MAGI3: variants seen among roughly 807,000 people sequenced by gnomAD.
The protein encoded by MAGI3 is membrane associated guanylate kinase, WW and PDZ domain containing 3, also known as membrane-associated guanylate kinase, WW and PDZ domain-containing protein 3.
Under a neutral mutation model 121.8 loss-of-function variants are expected in MAGI3, and 43 were observed. The observed-to-expected ratio is 0.35, with a 90% CI of 0.28 to 0.46. MAGI3 has a LOEUF of 0.46. Ranked by LOEUF, MAGI3 falls within the 20% of genes least tolerant of loss-of-function variation. The pLI, the probability that MAGI3 is intolerant of heterozygous loss-of-function variation, is 1.00. For synonymous variants in MAGI3, 553 were observed against 639.3 expected (o/e 0.86, Z 2.04); for missense variants, 1,547 against 1,797.3 (o/e 0.86, Z 2.52).
intron 1 of MAGI3, among the ~76,000 whole-genome samples, chr1:113,465,362 G>A (rs1480963560): frequency 6.6e-6 from 1 of 152,150 alleles, no homozygotes; most frequent in Non-Finnish European, 1.5e-5. Flanking sequence ...ATTGGTCTAT[G>A]TGTCTGTTTT....
Position 113,646,570 on chromosome 1 carries a change from A to T in MAGI3, c.2083A>T (p.Ile695Phe), listed in dbSNP as rs775028391. 51 of 1,613,704 alleles carry T rather than the reference A, an allele frequency of 3.2e-5. No individual in the cohort carries two copies. The highest frequency in any genetic ancestry group is 4.1e-5 in the Non-Finnish European group (48 of 1,179,818). ...PQPMPFPPSI[I>F]RSGSPKLDPS... ...GCCTATGCCTTTTCCACCGAGCATT[A>T]TCAGGTCAGGATCCCCAAAATTGGA... Residue 695 changes from isoleucine to phenylalanine, a missense_variant, in exon 12 of 21, where the codon ATC becomes TTC. Physicochemically the swap from Ile to Phe is conservative, Grantham distance 21. Coordinates refer to ENST00000307546, the MANE Select transcript of MAGI3 (RefSeq NM_001142782.2).
intron 1 of MAGI3, among the ~76,000 whole-genome samples, chr1:113,515,287 T>C (rs1218798560): frequency 2.0e-5 from 3 of 152,128 alleles, no homozygotes; most frequent in Non-Finnish European, 4.4e-5. Context: ...TTGACATTTG[T>C]TGTATTGGAA....
chr1:113,624,759 G>T (rs1651113118), intron 9 of MAGI3, among the ~76,000 whole-genome samples: 1 of 152,158 alleles, frequency 6.6e-6, no homozygotes, highest in Non-Finnish European at 1.5e-5. Flanking sequence ...CTAGGCTTGT[G>T]GAGTATCACT....
intron 1 of MAGI3, among the ~76,000 whole-genome samples, chr1:113,484,274 T>G (rs1470401807): frequency 6.6e-6 from 1 of 152,178 alleles, no homozygotes; most frequent in Non-Finnish European, 1.5e-5. Context: ...CAGTAGATTT[T>G]TGGGGGAATA....
rs753852958 is a variant in MAGI3 at position 113,642,317 on chromosome 1, G to A, written c.1767G>A (p.Gly589=). The change falls in exon 10 of 21, where the codon GGG becomes GGA. Residue 589 remains glycine, a synonymous_variant. Transcript: ENST00000307546. The part of the protein sequence containing the change: ...IPLIKGPKGF[G]FAIADSPTGQ... ...TGATTAAGGGCCCTAAAGGGTTTGGGTTTGCAATTGCTGACAGCCCTACTG... is the reference window on the plus strand; with the variant it reads ...TGATTAAGGGCCCTAAAGGGTTTGGATTTGCAATTGCTGACAGCCCTACTG... 3.1e-6 allele frequency: 5 copies of A among 1,614,146 alleles called. No individual in the cohort carries two copies. The highest frequency in any genetic ancestry group is 3.4e-6 in the Non-Finnish European group (4 of 1,180,036).
chr1:113,508,609 G>A (rs973231808), intron 1 of MAGI3, among the ~76,000 whole-genome samples: 1 of 152,164 alleles, frequency 6.6e-6, no homozygotes, highest in Non-Finnish European at 1.5e-5. Context: ...GAACCATTTG[G>A]GAAATGGGAG....
intron 1 of MAGI3, among the ~76,000 whole-genome samples, chr1:113,519,024 A>G (rs1239157391): frequency 6.6e-6 from 1 of 152,086 alleles, no homozygotes; most frequent in African/African-American, 2.4e-5. Context: ...TTATTTTTGG[A>G]GGGAAATAAA....
intron 6 of MAGI3, among the ~76,000 whole-genome samples, chr1:113,604,392 C>G (rs976274602): frequency 6.6e-6 from 1 of 151,476 alleles, no homozygotes; most frequent in Non-Finnish European, 1.5e-5. Flanking sequence ...TATGGTGAAA[C>G]CCCATCTCTA....
At chr1:113,623,115 C>A (rs1650942601) in intron 9 of MAGI3, 121 bp downstream of exon 9, 4 of 688,494 alleles carry the variant, frequency 5.8e-6, no homozygotes, top group Admixed American at 4.2e-5. Context: ...GAAAGAGATT[C>A]CAGTATTAAA....
intron 1 of MAGI3, among the ~76,000 whole-genome samples, chr1:113,451,697 C>A (rs915309883): frequency 6.6e-6 from 1 of 152,058 alleles, no homozygotes; most frequent in Non-Finnish European, 1.5e-5. Flanking sequence ...CTGGGGAACA[C>A]GGCATTAAGA....
At chr1:113,427,520 C>T (rs1257818204) in intron 1 of MAGI3, among the ~76,000 whole-genome samples, 3 of 152,168 alleles carry the variant, frequency 2.0e-5, no homozygotes, top group Non-Finnish European at 4.4e-5. Context: ...CCTGGACTGC[C>T]TTCTGTACCA....
intron 16 of MAGI3, among the ~76,000 whole-genome samples, chr1:113,669,447 C>A (rs561190335): frequency 1.3e-5 from 2 of 152,254 alleles, no homozygotes; most frequent in East Asian, 3.9e-4. Flanking sequence ...GAGGAGGTGA[C>A]AATTTGAACA....
At chr1:113,657,482 C>T (rs980548362) in intron 15 of MAGI3, among the ~76,000 whole-genome samples, 1 of 152,186 alleles carries the variant, frequency 6.6e-6, no homozygotes, top group Admixed American at 6.5e-5. Flanking sequence ...AGAAAGGGGA[C>T]CACTAAGATT....
intron 3 of MAGI3, among the ~76,000 whole-genome samples, chr1:113,581,964 G>T (rs1180887660): frequency 6.6e-6 from 1 of 151,362 alleles, no homozygotes; most frequent in African/African-American, 2.4e-5. Context: ...TTTTTAAGAA[G>T]CCCTCTCCCC....
chr1:113,560,885 A>G (rs924137196), intron 2 of MAGI3, among the ~76,000 whole-genome samples: 4 of 152,206 alleles, frequency 2.6e-5, no homozygotes, highest in Non-Finnish European at 4.4e-5. Context: ...ATAAACAAGA[A>G]AAGAGAGAAG....
chr1:113,641,365 T>C (rs894715577), intron 9 of MAGI3, among the ~76,000 whole-genome samples: 1 of 150,856 alleles, frequency 6.6e-6, no homozygotes, highest in Admixed American at 6.6e-5. Context: ...AAAGCTGGGC[T>C]CTGGAGGACA....
chr1:113,612,646 T>C (rs1650227750), intron 6 of MAGI3, among the ~76,000 whole-genome samples: 1 of 152,078 alleles, frequency 6.6e-6, no homozygotes. Flanking sequence ...AAAAAAAACT[T>C]GCTAATGGTA....
chr1:113,633,853 T>C (rs567343886), intron 9 of MAGI3, among the ~76,000 whole-genome samples: 23 of 152,282 alleles, frequency 1.5e-4, no homozygotes, highest in East Asian at 7.7e-4. Context: ...GTCCCACCAA[T>C]GGTGTAAAAG....
At chr1:113,516,996 C>A (rs983729964) in intron 1 of MAGI3, among the ~76,000 whole-genome samples, 5 of 151,840 alleles carry the variant, frequency 3.3e-5, no homozygotes, top group South Asian at 2.1e-4. Context: ...GTTTACTACT[C>A]CTCAAAATTT....
Sources: allele counts gnomAD v4.1 joint callset (sites outside exome capture counted in the v4.1 genomes callset), GRCh38; gene constraint gnomAD v4.1.1; transcripts MANE v1.5; gene names NCBI Gene and HGNC (gene_info 2026-07-23, HGNC 2026-07-21).